The following CDKAL1 variants were observed in gnomAD, a reference collection of about 807,000 sequenced individuals.
CDKAL1 encodes the protein CDKAL1 threonylcarbamoyladenosine tRNA methylthiotransferase, also known as threonylcarbamoyladenosine tRNA methylthiotransferase.
CDKAL1 carries 32 observed loss-of-function variants against 68.2 expected under a neutral mutation model. That is an observed-to-expected ratio of 0.47 (90% CI 0.35 to 0.63). CDKAL1 has a LOEUF of 0.63. Among genes scored for constraint, CDKAL1 ranks in the 30% least tolerant of loss-of-function variants. CDKAL1 has a pLI of 0.00. For synonymous variants in CDKAL1, 234 were observed against 244.3 expected, an observed-to-expected ratio of 0.96 and a Z score of 0.39; for missense variants, 606 against 696.7, an observed-to-expected ratio of 0.87 and a Z score of 1.47.
chr6:21,213,102 C>T (rs1297459847), intron 15 of CDKAL1, among the ~76,000 whole-genome samples: 3 of 148,094 alleles, frequency 2.0e-5, no homozygotes. Flanking sequence ...GTAGCCCTTA[C>T]GCACATCAGG....
At position 20,624,667 on chromosome 6, in the gene CDKAL1, G is replaced by T. The variant is rs1341652630; in HGVS notation, c.287-24626G>T. On this transcript the variant is annotated intron_variant, in intron 4 of 15. Coordinates refer to ENST00000274695, the MANE Select transcript of CDKAL1 (RefSeq NM_017774.3). ...AAAACCACCCATTTTTACAATTGAC[G>T]AGAGTAGTGGGAAAAAAAAACTGTG... Among the ~76,000 whole-genome samples, 3 of 151,824 alleles carry T rather than the reference G, an allele frequency of 2.0e-5. No homozygotes were observed. In the East Asian group the frequency reaches 5.8e-4, roughly 29 times the overall value.
chr6:20,920,261 A>G lies in CDKAL1; in HGVS notation c.743-35158A>G, dbSNP rs373145019. 1.1e-4 allele frequency among the ~76,000 whole-genome samples: 17 copies of G among 152,316 alleles called. No individual in the cohort carries two copies. The East Asian group carries it at 3.1e-3, about 28-fold the overall frequency. ...AGGGTCTGAGCTCAAAAGTTGAATA[A>G]TGTCATTTCTAGAACGAGACCTGAA... is the stretch of plus-strand genomic sequence containing the variant. On this transcript the variant is annotated intron_variant, in intron 9 of 15. Coordinates refer to ENST00000274695, the MANE Select transcript of CDKAL1 (RefSeq NM_017774.3).
intron 2 of CDKAL1, among the ~76,000 whole-genome samples, chr6:20,538,582 T>G (rs1171979166): frequency 6.6e-6 from 1 of 152,232 alleles, no homozygotes; most frequent in Non-Finnish European, 1.5e-5. Context: ...CTTCAGTGGA[T>G]CCATACACAC....
At chr6:20,882,346 C>G (rs552768565) in intron 9 of CDKAL1, among the ~76,000 whole-genome samples, 1 of 152,290 alleles carries the variant, frequency 6.6e-6, no homozygotes, top group African/African-American at 2.4e-5. Context: ...CACAACCTCC[C>G]ACTCTTTATC....
chr6:20,916,678 C>T (rs1339655081), intron 9 of CDKAL1, among the ~76,000 whole-genome samples: 4 of 152,246 alleles, frequency 2.6e-5, no homozygotes, highest in Admixed American at 1.3e-4. Context: ...TCATGGGATT[C>T]TTCACTAAAT....
intron 8 of CDKAL1, among the ~76,000 whole-genome samples, chr6:20,841,258 A>G (rs1778163343): frequency 6.6e-6 from 1 of 152,212 alleles, no homozygotes; most frequent in South Asian, 2.1e-4. Flanking sequence ...TTGAGTCCAA[A>G]TGGTTTTTGC....
chr6:20,750,149 C>T (rs890311974), intron 6 of CDKAL1, among the ~76,000 whole-genome samples: 3 of 152,158 alleles, frequency 2.0e-5, no homozygotes, highest in Non-Finnish European at 4.4e-5. Context: ...AGGTTTCGCC[C>T]TGTCACTCTG....
chr6:20,777,132 C>T (rs1775205439), intron 7 of CDKAL1, among the ~76,000 whole-genome samples: 1 of 152,202 alleles, frequency 6.6e-6, no homozygotes, highest in African/African-American at 2.4e-5. Context: ...CACATACCTT[C>T]AGTTAACCAG....
chr6:21,185,481 A>T (rs996900819), intron 13 of CDKAL1, among the ~76,000 whole-genome samples: 12 of 152,204 alleles, frequency 7.9e-5, no homozygotes, highest in African/African-American at 2.9e-4. Context: ...CTTGGTTTAA[A>T]TGTATACAAA....
At chr6:20,978,764 A>T (rs921249666) in intron 10 of CDKAL1, among the ~76,000 whole-genome samples, 1 of 152,194 alleles carries the variant, frequency 6.6e-6, no homozygotes, top group African/African-American at 2.4e-5. Flanking sequence ...GAAATTAATC[A>T]TCATCCTGTA....
intron 5 of CDKAL1, among the ~76,000 whole-genome samples, chr6:20,678,978 C>T (rs1770249201): frequency 6.6e-6 from 1 of 152,112 alleles, no homozygotes; most frequent in African/African-American, 2.4e-5. Context: ...GGTTGTAGTT[C>T]ATTGTAACCT....
At chr6:20,948,074 G>A (rs1344345977) in intron 9 of CDKAL1, among the ~76,000 whole-genome samples, 1 of 145,210 alleles carries the variant, frequency 6.9e-6, no homozygotes, top group African/African-American at 2.6e-5. Context: ...CTCTAGTGCA[G>A]TGGTGCAATC....
Position 21,201,262 on chromosome 6 carries a change from G to C in CDKAL1, c.1536G>C (p.Ser512=). ...ISKPLAKGEV[S]GLTKDFRNGL... ...AACCGCTAGCAAAGGGAGAAGTCTC[G>C]GGTTTGACAAAGGTAAGTAAAAGAT... The change falls in exon 15 of 16, where the codon TCG becomes TCC. Residue 512 remains serine, a synonymous_variant. Coordinates refer to ENST00000274695, the MANE Select transcript of CDKAL1 (RefSeq NM_017774.3). The C allele has an allele frequency of 6.2e-7, 1 of 1,606,880 alleles. No individual in the cohort carries two copies.
At chr6:20,940,700 G>C (rs899548247) in intron 9 of CDKAL1, among the ~76,000 whole-genome samples, 1 of 152,110 alleles carries the variant, frequency 6.6e-6, no homozygotes, top group Non-Finnish European at 1.5e-5. Context: ...ACTGTGCCCA[G>C]CTCAGTTGTA....
chr6:20,659,003 T>A (rs542651021), intron 5 of CDKAL1, among the ~76,000 whole-genome samples: 14 of 151,044 alleles, frequency 9.3e-5, no homozygotes, highest in Middle Eastern at 3.4e-3. Flanking sequence ...TATTATTATT[T>A]TTTTTTAGTA....
In CDKAL1 at chr6:20,676,763, A is replaced by G. The variant is rs562271525; in HGVS notation, c.371+27386A>G. On this transcript the variant is annotated intron_variant, in intron 5 of 15. Coordinates refer to ENST00000274695, the MANE Select transcript of CDKAL1 (RefSeq NM_017774.3). ...ATTTTTGTATGTTTGGATATACAATACTTACTACTGTGTTACAGTTATCCA... is the reference window on the plus strand; with the variant it reads ...ATTTTTGTATGTTTGGATATACAATGCTTACTACTGTGTTACAGTTATCCA... Among the ~76,000 whole-genome samples the G allele has an allele frequency of 6.4e-4, 97 of 152,232 alleles. 3 individuals carry two copies. In the South Asian group the frequency reaches 0.019, roughly 30 times the overall value.
intron 9 of CDKAL1, among the ~76,000 whole-genome samples, chr6:20,932,249 C>T (rs1669353804): frequency 6.6e-6 from 1 of 152,088 alleles, no homozygotes. Context: ...ATTTTGATAA[C>T]TAAATATATA....
At chr6:20,899,480 T>C (rs1284988115) in intron 9 of CDKAL1, among the ~76,000 whole-genome samples, 1 of 152,212 alleles carries the variant, frequency 6.6e-6, no homozygotes, top group Non-Finnish European at 1.5e-5. Context: ...TGCTGCTTTT[T>C]AAAACCACTT....
chr6:21,228,592 T>TA (rs1327765057), intron 15 of CDKAL1, among the ~76,000 whole-genome samples: 10 of 152,212 alleles, frequency 6.6e-5, no homozygotes, highest in Non-Finnish European at 1.3e-4. Context: ...CTCATTGGAA[T>TA]ACACACTCTC....
Sources: gnomAD v4.1 joint callset for allele counts (sites outside exome capture counted in the v4.1 genomes callset) on GRCh38, gnomAD v4.1.1 for gene constraint, MANE v1.5 for transcripts, NCBI Gene and HGNC (gene_info 2026-07-23, HGNC 2026-07-21) for gene names.